CYP4B1: variants seen among roughly 807,000 people sequenced by gnomAD.
CYP4B1 encodes cytochrome P450 family 4 subfamily B member 1.
CYP4B1 carries 45 observed loss-of-function variants against 54.0 expected under a neutral mutation model. The ratio of observed to expected loss-of-function variants is 0.83; its 90% CI spans 0.66 to 1.07. CYP4B1 has a LOEUF of 1.07. Ranked by LOEUF, CYP4B1 falls within the 50% of genes least tolerant of loss-of-function variation. The pLI, the probability that CYP4B1 is intolerant of heterozygous loss-of-function variation, is 0.00. For synonymous variants in CYP4B1, 248 were observed against 247.5 expected, an observed-to-expected ratio of 1.00 and a Z score of -0.02; for missense variants, 656 against 655.4, an observed-to-expected ratio of 1.00 and a Z score of -0.01.
intron 1 of CYP4B1, among the ~76,000 whole-genome samples, chr1:46,806,352 C>T (rs1035277055): frequency 6.6e-6 from 1 of 152,198 alleles, no homozygotes; most frequent in Non-Finnish European, 1.5e-5. Context: ...TCTGAAGCAG[C>T]CCCCTGGGGC....
At position 46,808,983 on chromosome 1, in the gene CYP4B1, G is replaced by C. The variant is rs867223829; in HGVS notation, c.181-1825G>C. The stretch of plus-strand genomic sequence containing the variant: ...GGGGACTGTGGTGGGGTGGGGGGAG[G>C]GGGGAGGGGTAGCATTGGGAGATAT... On this transcript the variant is annotated intron_variant, in intron 1 of 11. Transcript: ENST00000371923. 2.5e-5 allele frequency among the ~76,000 whole-genome samples: 3 copies of C among 121,236 alleles called. No homozygotes were observed. The South Asian group carries it at 1.0e-3, about 41-fold the overall frequency. The allele number at this position is 121,236 out of a possible 152,430, so 79.5% of individuals were successfully genotyped here.
intron 1 of CYP4B1, among the ~76,000 whole-genome samples, chr1:46,803,662 C>T (rs538172987): frequency 1.6e-4 from 25 of 152,326 alleles, no homozygotes; most frequent in African/African-American, 6.0e-4. Context: ...TCCTCGAGTA[C>T]TGGTTTTGGA....
At chr1:46,800,846 G>C (rs779597543) in intron 1 of CYP4B1, among the ~76,000 whole-genome samples, 3 of 152,192 alleles carry the variant, frequency 2.0e-5, no homozygotes, top group Non-Finnish European at 2.9e-5. Context: ...TCAGAGAGAT[G>C]AATCAGACCC....
In CYP4B1 at chr1:46,818,935, G is replaced by T; in HGVS notation, c.*121G>T. On this transcript the variant is annotated 3_prime_UTR_variant, in exon 12 of 12. Transcript: ENST00000371923. The stretch of plus-strand genomic sequence containing the variant: ...TTCAGGAGGCTTGTAGTTTAGAAGG[G>T]AAGTAGGCATTACCATAGACGACTC... 1 of 834,926 alleles carries T rather than the reference G, an allele frequency of 1.2e-6. No homozygotes were observed. The allele number at this position is 834,926 out of a possible 1,614,324, so 51.7% of individuals were successfully genotyped here.
At chr1:46,809,808 A>G (rs891676655) in intron 1 of CYP4B1, among the ~76,000 whole-genome samples, 1 of 152,252 alleles carries the variant, frequency 6.6e-6, no homozygotes, top group African/African-American at 2.4e-5. Flanking sequence ...GAAATACTAC[A>G]CAACTGTTAA....
At chr1:46,814,347 G>T (rs1392974606) in intron 7 of CYP4B1, 32 bp downstream of exon 7, 1 of 1,548,568 alleles carries the variant, frequency 6.5e-7, no homozygotes. Context: ...CCTACCTGAG[G>T]ACTGGTCCCA....
intron 1 of CYP4B1, among the ~76,000 whole-genome samples, chr1:46,808,998 T>G (rs934439440): frequency 6.8e-6 from 1 of 147,626 alleles, no homozygotes; most frequent in Non-Finnish European, 1.5e-5. Context: ...AGGGGTAGCA[T>G]TGGGAGATAT....
At chr1:46,799,306 C>A in intron 1 of CYP4B1, 45 bp downstream of exon 1, 3 of 1,525,270 alleles carry the variant, frequency 2.0e-6, no homozygotes, top group Non-Finnish European at 2.7e-6. Context: ...AACATCCTCC[C>A]TCCTTTCAGA....
rs373111523 is a variant in CYP4B1 at position 46,811,227 on chromosome 1, C to T, written c.367+43C>T. ...TTCCCTGCCCTGCCAACCTCAGACC[C>T]GTGGTGCTGGGTGACTAGGATCCTG... On this transcript the variant is annotated intron_variant, in intron 3 of 11. Coordinates refer to ENST00000371923, the MANE Select transcript of CYP4B1 (RefSeq NM_001099772.2). The T allele has an allele frequency of 2.1e-5, 33 of 1,600,548 alleles. No homozygotes were observed. The African/African-American group carries it at 2.5e-4, about 12-fold the overall frequency.
chr1:46,818,819 G>C lies in CYP4B1; in HGVS notation c.*5G>C, dbSNP rs1029447881. 20 of 1,613,838 alleles carry C rather than the reference G, an allele frequency of 1.2e-5. No individual in the cohort carries two copies. The highest frequency in any genetic ancestry group is 1.6e-5 in the Non-Finnish European group (19 of 1,179,926). On this transcript the variant is annotated 3_prime_UTR_variant, in exon 12 of 12. Transcript: ENST00000371923. ...GGCCCTGGGTCTGGGAAGTAGCTCTGATGAGAATGGGGTCCCAGATGGCTC... is the reference window on the plus strand; with the variant it reads ...GGCCCTGGGTCTGGGAAGTAGCTCTCATGAGAATGGGGTCCCAGATGGCTC...
At chr1:46,809,393 T>C (rs901279019) in intron 1 of CYP4B1, among the ~76,000 whole-genome samples, 2 of 152,332 alleles carry the variant, frequency 1.3e-5, no homozygotes, top group Middle Eastern at 3.4e-3. Flanking sequence ...TGGACATTTT[T>C]CCCTTCCTAA....
At chr1:46,810,124 A>G (rs377585023) in intron 1 of CYP4B1, among the ~76,000 whole-genome samples, 16 of 152,188 alleles carry the variant, frequency 1.1e-4, no homozygotes, top group Admixed American at 5.9e-4. Flanking sequence ...TATGCTTCAC[A>G]TGGCCAGAGA....
At chr1:46,806,462 C>T (rs1329056967) in intron 1 of CYP4B1, among the ~76,000 whole-genome samples, 1 of 152,178 alleles carries the variant, frequency 6.6e-6, no homozygotes, top group Admixed American at 6.5e-5. Flanking sequence ...GGCTTGCTAA[C>T]AAGGGCTGCA....
chr1:46,810,893 T>A lies in CYP4B1; in HGVS notation c.266T>A (p.Ile89Asn), dbSNP rs1384338168. 1 of 1,614,036 alleles carries A rather than the reference T, an allele frequency of 6.2e-7. No homozygotes were observed. The highest frequency in any genetic ancestry group is 1.7e-5 in the Admixed American group (1 of 60,002). The change falls in exon 2 of 12, where the codon ATT becomes AAT. Residue 89 changes from isoleucine (I) to asparagine (N), a missense_variant. Physicochemically the swap from Ile to Asn is moderately radical, Grantham distance 149. Transcript: ENST00000371923. ...CACCCACTCTGGTTCGGACAGTTCA[T>A]TGGCTTCCTGAACATCTATGAGCCT... Reference protein sequence around the residue: ...YAHPLWFGQFIGFLNIYEPDY... With the variant: ...YAHPLWFGQFNGFLNIYEPDY...
In CYP4B1 at chr1:46,818,149, T is replaced by C. The variant is rs1450648953; in HGVS notation, c.1291T>C (p.Phe431Leu). ...PDPEVFDSLR[F>L]STENASKRHP... ...CCTTCAGGTCTTTGACTCTCTGCGCTTTTCCACTGAGAATGCATCCAAACG... is the reference window on the plus strand; with the variant it reads ...CCTTCAGGTCTTTGACTCTCTGCGCCTTTCCACTGAGAATGCATCCAAACG... Residue 431 changes from phenylalanine (F) to leucine (L), a missense_variant, in exon 11 of 12, where the codon TTT becomes CTT. Physicochemically the swap from Phe to Leu is conservative, Grantham distance 22 (BLOSUM62 0). Coordinates refer to ENST00000371923, the MANE Select transcript of CYP4B1 (RefSeq NM_001099772.2). The C allele has an allele frequency of 6.2e-7, 1 of 1,614,012 alleles. No homozygotes were observed. The highest frequency in any genetic ancestry group is 1.7e-5 in the Admixed American group (1 of 60,004).
chr1:46,806,514 G>T (rs928997475), intron 1 of CYP4B1, among the ~76,000 whole-genome samples: 2 of 152,254 alleles, frequency 1.3e-5, no homozygotes, highest in Non-Finnish European at 2.9e-5. Flanking sequence ...CTTAACTCAT[G>T]CTGGACTGTT....
At chr1:46,805,703 G>T (rs1331289660) in intron 1 of CYP4B1, among the ~76,000 whole-genome samples, 2 of 152,156 alleles carry the variant, frequency 1.3e-5, no homozygotes, top group Admixed American at 6.5e-5. Context: ...CATTGAGTCT[G>T]CTTTTCCCAC....
At chr1:46,800,815 T>C (rs1445053487) in intron 1 of CYP4B1, among the ~76,000 whole-genome samples, 1 of 152,162 alleles carries the variant, frequency 6.6e-6, no homozygotes, top group African/African-American at 2.4e-5. Context: ...CCTGAAGACA[T>C]CCAGGAAAGG....
chr1:46,802,310 T>C (rs1392109245), intron 1 of CYP4B1, among the ~76,000 whole-genome samples: 5 of 152,156 alleles, frequency 3.3e-5, no homozygotes, highest in Non-Finnish European at 5.9e-5. Flanking sequence ...CCTTGTGCTG[T>C]GTAGTGAAGA....
Sources: gnomAD v4.1 joint callset for allele counts (sites outside exome capture counted in the v4.1 genomes callset) on GRCh38, gnomAD v4.1.1 for gene constraint, MANE v1.5 for transcripts, NCBI Gene and HGNC (gene_info 2026-07-23, HGNC 2026-07-21) for gene names.